PTPRD: variants seen among roughly 807,000 people sequenced by gnomAD.
The protein encoded by PTPRD is protein tyrosine phosphatase receptor type D, also known as receptor-type tyrosine-protein phosphatase delta.
PTPRD carries 34 observed loss-of-function variants against 214.5 expected under a neutral mutation model. The ratio of observed to expected loss-of-function variants is 0.16; its 90% CI spans 0.12 to 0.21. The LOEUF is 0.21. Among genes scored for constraint, PTPRD ranks in the 10% least tolerant of loss-of-function variants. PTPRD has a pLI of 1.00. For missense variants in PTPRD, 2,545 were observed against 2,398.7 expected, an observed-to-expected ratio of 1.06 and a Z score of -1.27; for synonymous variants, 1,128 against 845.7, an observed-to-expected ratio of 1.33 and a Z score of -5.79.
chr9:10,327,990 A>G (rs1166077456), intron 3 of PTPRD, among the ~76,000 whole-genome samples: 5 of 151,770 alleles, frequency 3.3e-5, no homozygotes, highest in Non-Finnish European at 5.9e-5. Flanking sequence ...AGGTTGGGAT[A>G]TAAAATAAAG....
At chr9:9,033,807 G>T (rs557654494) in intron 10 of PTPRD, among the ~76,000 whole-genome samples, 24 of 152,042 alleles carry the variant, frequency 1.6e-4, no homozygotes, top group Admixed American at 2.0e-4. Flanking sequence ...TTTTGCTGTT[G>T]GGACTGCAGT....
At chr9:10,414,526 G>A (rs191234382) in intron 2 of PTPRD, among the ~76,000 whole-genome samples, 34 of 151,988 alleles carry the variant, frequency 2.2e-4, no homozygotes, top group African/African-American at 3.6e-4. Flanking sequence ...GGAAAGCAGC[G>A]TGGCAATTCC....
At position 8,465,635 on chromosome 9, in the gene PTPRD, T is replaced by A; in HGVS notation, c.3545A>T (p.Tyr1182Phe). 1 of 1,612,188 alleles carries A rather than the reference T, an allele frequency of 6.2e-7. No individual in the cohort carries two copies. The highest frequency in any genetic ancestry group is 8.5e-7 in the Non-Finnish European group (1 of 1,178,804). The change falls in exon 32 of 46, where the codon TAT (tyrosine) becomes TTT (phenylalanine). Residue 1182 changes from tyrosine (Y) to phenylalanine (F), a missense_variant. Transcript: ENST00000381196. The stretch of plus-strand genomic sequence containing the variant: ...TGGCTTTAATTCAACTTCTCTCCCA[T>A]AACGGATGCTTCTGCGCTTCCTAGA... ...EISRKRRSIR[Y>F]GREVELKPYI...
chr9:9,188,615 C>A (rs12349700), intron 9 of PTPRD, among the ~76,000 whole-genome samples: 8,737 of 152,012 alleles, frequency 0.057, 717 homozygotes, highest in African/African-American at 0.18. Context: ...GACCCCTGAC[C>A]TAGGATTCAG....
At chr9:9,426,416 G>C (rs1012083404) in intron 8 of PTPRD, among the ~76,000 whole-genome samples, 3 of 152,168 alleles carry the variant, frequency 2.0e-5, no homozygotes, top group African/African-American at 4.8e-5. Context: ...TGGGAAGCTC[G>C]AACTGGGTGG....
intron 11 of PTPRD, among the ~76,000 whole-genome samples, chr9:8,879,864 C>T (rs772592125): frequency 8.5e-5 from 13 of 152,140 alleles, no homozygotes; most frequent in Admixed American, 3.3e-4. Flanking sequence ...GCACCCCACA[C>T]GTGTTTCTAG....
intron 3 of PTPRD, among the ~76,000 whole-genome samples, chr9:10,254,813 T>C (rs982636174): frequency 2.0e-5 from 3 of 152,188 alleles, no homozygotes; most frequent in Non-Finnish European, 4.4e-5. Context: ...TTATCATCTG[T>C]ATTTACTCTG....
chr9:9,273,309 T>C (rs1400378103), intron 9 of PTPRD, among the ~76,000 whole-genome samples: 2 of 151,210 alleles, frequency 1.3e-5, no homozygotes, highest in Non-Finnish European at 3.0e-5. Flanking sequence ...GCTGAGTCAC[T>C]AAGGAATAGA....
At chr9:8,739,059 T>C (rs960656204) in intron 11 of PTPRD, among the ~76,000 whole-genome samples, 2 of 152,168 alleles carry the variant, frequency 1.3e-5, no homozygotes, top group Admixed American at 1.3e-4. Context: ...AAGAGAAGGA[T>C]CCATTTGTAC....
chr9:10,159,005 T>G (rs1592720079), intron 3 of PTPRD, among the ~76,000 whole-genome samples: 1 of 151,574 alleles, frequency 6.6e-6, no homozygotes, highest in Admixed American at 6.6e-5. Flanking sequence ...TTGTAGGAGG[T>G]TTGTTCCACT....
chr9:9,127,160 C>G (rs1178486167), intron 10 of PTPRD, among the ~76,000 whole-genome samples: 1 of 152,160 alleles, frequency 6.6e-6, no homozygotes, highest in African/African-American at 2.4e-5. Flanking sequence ...CACATGCTGA[C>G]TCACCTCATG....
intron 31 of PTPRD, 50 bp from the exon 32 acceptor site, chr9:8,465,725 G>C (rs145355246): frequency 6.8e-7 from 1 of 1,477,270 alleles, no homozygotes; most frequent in African/African-American, 1.4e-5. Flanking sequence ...TAATAACCCA[G>C]CTTATTGATA....
At chr9:9,366,300 G>A (rs545489523) in intron 9 of PTPRD, among the ~76,000 whole-genome samples, 1 of 151,530 alleles carries the variant, frequency 6.6e-6, no homozygotes, top group African/African-American at 2.4e-5. Context: ...TTTACGAGAC[G>A]TTTTATTTTC....
intron 44 of PTPRD, among the ~76,000 whole-genome samples, chr9:8,328,989 G>C (rs757819345): frequency 1.3e-5 from 2 of 151,964 alleles, no homozygotes; most frequent in Middle Eastern, 3.2e-3. Context: ...CCCTTAGCTC[G>C]GAGGAGTTTG....
chr9:10,564,484 G>A lies in PTPRD; in HGVS notation c.-600+47914C>T, dbSNP rs578097389. ...AAATTTTCTGCTTCTGTTTCTAGCA[G>A]TATGATAGTTCCTGGAAGTGGCCAT... On this transcript the variant is annotated intron_variant, in intron 2 of 45. Transcript: ENST00000381196. Among the ~76,000 whole-genome samples, 338 of 151,878 alleles carry A rather than the reference G, an allele frequency of 2.2e-3. 1 individual carries two copies. The highest frequency in any genetic ancestry group is 7.9e-3 in the African/African-American group (328 of 41,424).
At chr9:9,173,460 A>G (rs747992146) in intron 10 of PTPRD, among the ~76,000 whole-genome samples, 2 of 152,108 alleles carry the variant, frequency 1.3e-5, no homozygotes, top group Admixed American at 6.6e-5. Context: ...TGATTACATC[A>G]TTGTGCAAAC....
At chr9:10,514,787 A>T (rs1037692231) in intron 2 of PTPRD, among the ~76,000 whole-genome samples, 1 of 152,052 alleles carries the variant, frequency 6.6e-6, no homozygotes, top group Non-Finnish European at 1.5e-5. Flanking sequence ...TAGGCATCAC[A>T]GTGGTCCCAA....
intron 11 of PTPRD, among the ~76,000 whole-genome samples, chr9:8,923,697 G>A (rs1332257373): frequency 6.6e-6 from 1 of 152,108 alleles, no homozygotes; most frequent in Non-Finnish European, 1.5e-5. Flanking sequence ...ACAAAACTTA[G>A]GTAAACTCTC....
At chr9:9,788,035 C>T (rs753802867) in intron 5 of PTPRD, among the ~76,000 whole-genome samples, 165 of 151,590 alleles carry the variant, frequency 1.1e-3, no homozygotes, top group Middle Eastern at 3.4e-3. Flanking sequence ...CACCCCACCT[C>T]GGCCTCCCAA....
Sources: gnomAD v4.1 joint callset for allele counts (sites outside exome capture counted in the v4.1 genomes callset) on GRCh38, gnomAD v4.1.1 for gene constraint, MANE v1.5 for transcripts, NCBI Gene and HGNC (gene_info 2026-07-23, HGNC 2026-07-21) for gene names.